Variants in DST observed in about 807,000 individuals in gnomAD.
DST encodes the protein dystonin.
Under a neutral mutation model 875.2 loss-of-function variants are expected in DST, and 253 were observed. The observed-to-expected ratio is 0.29, with a 90% CI of 0.26 to 0.32. DST has a LOEUF of 0.32. DST is among the 10% of genes least tolerant of loss of function. The pLI is 1.00. For missense variants in DST, 8,287 were observed against 9,111.6 expected (o/e 0.91, Z 3.68); for synonymous variants, 3,124 against 3,197.1 (o/e 0.98, Z 0.77).
chr6:56,464,154 A>G, intron 100 of DST: 3 of 366,592 alleles, frequency 8.2e-6, no homozygotes, highest in South Asian at 6.6e-5. Context: ...CCAGTAAGGC[A>G]GGGACTGTGT....
chr6:56,655,715 G>C (rs879677455), intron 10 of DST, among the ~76,000 whole-genome samples: 1 of 152,100 alleles, frequency 6.6e-6, no homozygotes, highest in Admixed American at 6.5e-5. Flanking sequence ...ATTTGCTCAA[G>C]AAATGTCCAC....
rs1466336431 is a variant in DST, at chr6:56,605,073, T to C, written c.9555A>G (p.Lys3185=). ...TTGCTTTTATATTTTTAGCACAATG[T>C]TTTAAGTAAGTAAACAGATCAAGCT... ...EKELDLFTYL[K]HCAKNIKAKD... is the part of the protein sequence containing the mutation. Residue 3185 remains lysine (K), a synonymous_variant, in exon 40 of 104, where the codon AAA becomes AAG. Coordinates refer to ENST00000680361, the MANE Select transcript of DST (RefSeq NM_001374736.1). 1.2e-6 allele frequency: 2 copies of C among 1,612,778 alleles called. No homozygotes were observed. Among genetic ancestry groups the C allele is most frequent in the Non-Finnish European group, 1.7e-6 (2 of 1,179,274 alleles).
rs1031095464 is a variant in DST, at chr6:56,478,799, A to T, written c.21532-1311T>A. Among the ~76,000 whole-genome samples, 27 of 152,324 alleles carry T rather than the reference A, an allele frequency of 1.8e-4. 1 individual carries two copies. The South Asian group carries it at 4.8e-3, about 27-fold the overall frequency. The stretch of plus-strand genomic sequence containing the variant: ...TATGTGAACAGGGGTGTTCACTTTG[A>T]AATATAGGTGTTTTACTATACAAGA... On this transcript the variant is annotated intron_variant, in intron 90 of 103. Transcript: ENST00000680361.
At chr6:56,617,425 C>G (rs1224803858) in intron 36 of DST, 2 of 1,608,568 alleles carry the variant, frequency 1.2e-6, no homozygotes, top group Non-Finnish European at 1.7e-6. Flanking sequence ...CTATCTGTAA[C>G]AGGAATTTAT....
rs762903214 is a variant in DST, at chr6:56,497,932, A to T, written c.20018T>A (p.Val6673Asp). The T allele has an allele frequency of 1.2e-6, 2 of 1,612,378 alleles. No individual in the cohort carries two copies. Among genetic ancestry groups the T allele is most frequent in the East Asian group, 4.5e-5 (2 of 44,802 alleles). ...AACATTTTGCCAGCGTTGATTTAAA[A>T]CCTCTAGCTTGTTCTGAAGGTTGCT... The part of the protein sequence containing the change: ...EASNLQNKLE[V>D]LNQRWQNVLE... Residue 6673 changes from valine to aspartate, a missense_variant, in exon 81 of 104, where the codon GTT becomes GAT. Val to Asp is a radical substitution (Grantham distance 152, BLOSUM62 -3). Coordinates refer to ENST00000680361, the MANE Select transcript of DST (RefSeq NM_001374736.1).
chr6:56,730,011 A>G (rs2099490755), intron 5 of DST, among the ~76,000 whole-genome samples: 2 of 152,184 alleles, frequency 1.3e-5, no homozygotes, highest in Admixed American at 1.3e-4. Flanking sequence ...TCCTCTCCAA[A>G]TGCATTTATG....
intron 4 of DST, among the ~76,000 whole-genome samples, chr6:56,806,268 C>T (rs550918085): frequency 6.6e-6 from 1 of 152,094 alleles, no homozygotes; most frequent in Non-Finnish European, 1.5e-5. Flanking sequence ...AAGTTATTGC[C>T]CAATCTACAA....
rs112177059 is a variant in DST, at chr6:56,552,890, G to A, written c.15902C>T (p.Ser5301Leu). 186 of 1,613,932 alleles carry A rather than the reference G, an allele frequency of 1.2e-4. No homozygotes were observed. The highest frequency in any genetic ancestry group is 1.4e-4 in the Non-Finnish European group (170 of 1,179,874). The part of the protein sequence containing the change: ...CAKEQLDIHD[S>L]LGSQAYSNKY... ...GTTACTGTAAGCCTGGGATCCCAGC[G>A]AATCATGGATATCTAGCTGCTCCTT... Residue 5301 changes from serine (S) to leucine (L), a missense_variant, in exon 61 of 104, where the codon TCG (serine) becomes TTG (leucine). By Grantham distance (145) the Ser-to-Leu change is moderately radical. Coordinates refer to ENST00000680361, the MANE Select transcript of DST (RefSeq NM_001374736.1).
chr6:56,549,074 T>C (rs1584688540), intron 61 of DST, among the ~76,000 whole-genome samples: 1 of 152,192 alleles, frequency 6.6e-6, no homozygotes. Flanking sequence ...TCTTGAACTA[T>C]AGAAAGAAAA....
chr6:56,458,981 A>C lies in DST; in HGVS notation c.*24T>G. On this transcript the variant is annotated 3_prime_UTR_variant, in exon 104 of 104. Transcript: ENST00000680361. ...AACTTAAATAATAAATGCTCAAGGA[A>C]GGGCCTTGGTAGAACCAATTGCACT... 1 of 1,533,898 alleles carries C rather than the reference A, an allele frequency of 6.5e-7. No individual in the cohort carries two copies. Among genetic ancestry groups the C allele is most frequent in the Non-Finnish European group, 8.8e-7 (1 of 1,138,004 alleles).
intron 5 of DST, among the ~76,000 whole-genome samples, chr6:56,721,141 A>G (rs62412550): frequency 6.7e-6 from 1 of 149,272 alleles, no homozygotes; most frequent in Non-Finnish European, 1.5e-5. Context: ...GCTGCTGGGC[A>G]GGGGCGGCCC....
intron 3 of DST, among the ~76,000 whole-genome samples, chr6:56,896,302 G>A (rs907012911): frequency 6.6e-6 from 1 of 152,036 alleles, no homozygotes; most frequent in African/African-American, 2.4e-5. Context: ...TCAATCATGG[G>A]GGTCGGTCTT....
In DST at chr6:56,689,344, G is replaced by A. The variant is rs1224844118; in HGVS notation, c.1047+10309C>T. ...GGCAAAGCCTGACTAGAAGAACTTC[G>A]ATCTTCTGCCTGCCAGGCCCGTAGT... On this transcript the variant is annotated intron_variant, in intron 9 of 103. Coordinates refer to ENST00000680361, the MANE Select transcript of DST (RefSeq NM_001374736.1). Among the ~76,000 whole-genome samples the A allele has an allele frequency of 3.9e-5, 6 of 152,192 alleles. 1 individual carries two copies. Among genetic ancestry groups the A allele is most frequent in the African/African-American group, 1.4e-4 (6 of 41,522 alleles).
intron 4 of DST, among the ~76,000 whole-genome samples, chr6:56,782,830 G>A (rs2099696814): frequency 6.6e-6 from 1 of 151,860 alleles, no homozygotes; most frequent in East Asian, 1.9e-4. Context: ...TATCAATTTT[G>A]GATCTTTCCT....
At chr6:56,942,108 T>C (rs1190615185) in intron 2 of DST, among the ~76,000 whole-genome samples, 1 of 152,216 alleles carries the variant, frequency 6.6e-6, no homozygotes, top group African/African-American at 2.4e-5. Flanking sequence ...GCCTTGATTA[T>C]CTACTTTACC....
At chr6:56,500,132 A>G (rs146728888) in intron 80 of DST, among the ~76,000 whole-genome samples, 56 of 152,252 alleles carry the variant, frequency 3.7e-4, no homozygotes, top group Non-Finnish European at 5.6e-4. Flanking sequence ...TACAGCATAC[A>G]GTGCTAAAAA....
intron 4 of DST, among the ~76,000 whole-genome samples, chr6:56,812,952 C>A (rs944385011): frequency 2.0e-5 from 3 of 151,650 alleles, no homozygotes; most frequent in African/African-American, 7.3e-5. Context: ...TATTGCGGCA[C>A]TATTCACAAT....
In DST at chr6:56,632,825, A is replaced by G. The variant is rs557713326; in HGVS notation, c.3805+29T>C. The G allele has an allele frequency of 1.3e-5, 21 of 1,598,744 alleles. No homozygotes were observed. The African/African-American group carries it at 1.3e-4, about 10-fold the overall frequency. On this transcript the variant is annotated intron_variant, in intron 28 of 103. Coordinates refer to ENST00000680361, the MANE Select transcript of DST (RefSeq NM_001374736.1). ...TAGCCAGAACTAAACACCTATGGGG[A>G]AAAAAAGACAGGGATCCCCATGCTT... is the stretch of plus-strand genomic sequence containing the variant.
At chr6:56,621,991 A>G (rs941764684) in intron 36 of DST, among the ~76,000 whole-genome samples, 41 of 152,224 alleles carry the variant, frequency 2.7e-4, no homozygotes, top group Admixed American at 2.7e-3. Flanking sequence ...TACAGAAACA[A>G]ATCTCATAAT....
Sources: allele counts gnomAD v4.1 joint callset (sites outside exome capture counted in the v4.1 genomes callset), GRCh38; gene constraint gnomAD v4.1.1; transcripts MANE v1.5; gene names NCBI Gene and HGNC (gene_info 2026-07-23, HGNC 2026-07-21).